DPYSL3: variants seen among roughly 807,000 people sequenced by gnomAD.
The protein encoded by DPYSL3 is dihydropyrimidinase like 3.
DPYSL3 carries 16 observed loss-of-function variants against 66.1 expected under a neutral mutation model. That is an observed-to-expected ratio of 0.24 (90% CI 0.16 to 0.37). DPYSL3 has a LOEUF of 0.37. Among genes scored for constraint, DPYSL3 ranks in the 10% least tolerant of loss-of-function variants. The pLI is 1.00. For missense variants in DPYSL3, 738 were observed against 916.2 expected (o/e 0.81, Z 2.51); for synonymous variants, 338 against 345.1 (o/e 0.98, Z 0.23).
chr5:147,395,859 G>T, intron 12 of DPYSL3, 138 bp from the exon 13 acceptor site: 1 of 1,068,938 alleles, frequency 9.4e-7, no homozygotes, highest in Non-Finnish European at 1.3e-6. Flanking sequence ...TTGAGGAAGG[G>T]AGAAGTAGTA....
chr5:147,415,624 A>G (rs943730139), intron 4 of DPYSL3, 85 bp downstream of exon 4: 2 of 1,515,800 alleles, frequency 1.3e-6, no homozygotes, highest in Non-Finnish European at 9.0e-7. Flanking sequence ...CAAGTAAAAG[A>G]CAGTGACTGA....
At chr5:147,479,439 G>T (rs553787359) in intron 1 of DPYSL3, among the ~76,000 whole-genome samples, 1 of 152,270 alleles carries the variant, frequency 6.6e-6, no homozygotes, top group South Asian at 2.1e-4. Flanking sequence ...CGCAAGTCTT[G>T]TCAACTCAGT....
chr5:147,497,073 A>G (rs1753528268), intron 1 of DPYSL3, among the ~76,000 whole-genome samples: 1 of 152,236 alleles, frequency 6.6e-6, no homozygotes, highest in South Asian at 2.1e-4. Context: ...TGCAGCCATA[A>G]AAAATGATGA....
In DPYSL3 at chr5:147,393,175, C is replaced by G. The variant is rs553528497; in HGVS notation, c.*860G>C. 1 of 152,326 alleles carries G rather than the reference C, an allele frequency of 6.6e-6. No homozygotes were observed. Among genetic ancestry groups the G allele is most frequent in the African/African-American group, 2.4e-5 (1 of 41,560 alleles). The allele number at this position is 152,326 out of a possible 1,614,324, so 9.4% of individuals were successfully genotyped here. A position where few individuals can be genotyped will look rare whatever the true frequency, so the allele number is the denominator to read the frequency against. On this transcript the variant is annotated 3_prime_UTR_variant, in exon 14 of 14. Coordinates refer to ENST00000343218, the MANE Select transcript of DPYSL3 (RefSeq NM_001197294.2). The stretch of plus-strand genomic sequence containing the variant: ...CGTCTTTAAGCTGTGGGTGCCCTCA[C>G]CACGTGGGCCTGTGCTATGTTCTCA...
intron 1 of DPYSL3, among the ~76,000 whole-genome samples, chr5:147,501,881 T>G (rs904342243): frequency 7.2e-5 from 11 of 152,142 alleles, no homozygotes; most frequent in African/African-American, 2.7e-4. Flanking sequence ...CAGGGGTATA[T>G]GGGAAGTACT....
At chr5:147,462,364 A>G (rs1009448544) in intron 1 of DPYSL3, among the ~76,000 whole-genome samples, 2 of 152,134 alleles carry the variant, frequency 1.3e-5, no homozygotes, top group Admixed American at 6.5e-5. Context: ...CTTAAAGAAC[A>G]TCCCAGTAGT....
intron 1 of DPYSL3, among the ~76,000 whole-genome samples, chr5:147,455,461 G>T (rs1008231679): frequency 6.6e-6 from 1 of 152,190 alleles, no homozygotes; most frequent in African/African-American, 2.4e-5. Flanking sequence ...ACACAAGGGG[G>T]AATAAAAAGA....
intron 1 of DPYSL3, among the ~76,000 whole-genome samples, chr5:147,442,493 A>G (rs973028302): frequency 6.6e-6 from 1 of 152,234 alleles, no homozygotes; most frequent in African/African-American, 2.4e-5. Flanking sequence ...CTGGGATTTC[A>G]ATCTGTAGTC....
chr5:147,502,647 G>T (rs1414741192), intron 1 of DPYSL3, among the ~76,000 whole-genome samples: 1 of 146,010 alleles, frequency 6.8e-6, no homozygotes, highest in Non-Finnish European at 1.5e-5. Context: ...CGCAGTCTCG[G>T]CTCACTGCAA....
chr5:147,430,075 G>C (rs1752278781), intron 1 of DPYSL3, among the ~76,000 whole-genome samples: 1 of 152,068 alleles, frequency 6.6e-6, no homozygotes, highest in Admixed American at 6.6e-5. Flanking sequence ...CAGTGCGGGA[G>C]AAGGAGAATG....
At chr5:147,438,209 C>G (rs146216899) in intron 1 of DPYSL3, among the ~76,000 whole-genome samples, 108 of 152,306 alleles carry the variant, frequency 7.1e-4, no homozygotes, top group African/African-American at 2.3e-3. Flanking sequence ...ACTCTGCTTT[C>G]ATTGGATAGA....
chr5:147,401,576 G>T lies in DPYSL3; in HGVS notation c.1274C>A (p.Pro425Gln). Reference protein sequence around the residue: ...FVTSPPLSPDPTTPDYINSLL... With the variant: ...FVTSPPLSPDQTTPDYINSLL... ...GGAGTTGATGTAGTCCGGAGTAGTT[G>T]GGTCAGGGCTCAGGGGTGGGGATGT... Residue 425 changes from proline to glutamine, a missense_variant, in exon 9 of 14, where the codon CCA (proline) becomes CAA (glutamine). Pro to Gln is a moderately conservative substitution (Grantham distance 76). Coordinates refer to ENST00000343218, the MANE Select transcript of DPYSL3 (RefSeq NM_001197294.2). 1 of 1,613,630 alleles carries T rather than the reference G, an allele frequency of 6.2e-7. No individual in the cohort carries two copies. The highest frequency in any genetic ancestry group is 1.3e-5 in the African/African-American group (1 of 75,010).
chr5:147,482,297 G>A (rs1296765612), intron 1 of DPYSL3, among the ~76,000 whole-genome samples: 1 of 152,150 alleles, frequency 6.6e-6, no homozygotes, highest in Non-Finnish European at 1.5e-5. Flanking sequence ...ATAGATTTGA[G>A]GAAATCAGCT....
intron 1 of DPYSL3, among the ~76,000 whole-genome samples, chr5:147,496,950 C>T (rs951597512): frequency 4.6e-5 from 7 of 152,062 alleles, no homozygotes; most frequent in African/African-American, 9.7e-5. Flanking sequence ...CACATGCACA[C>T]GTATGTTTAT....
chr5:147,440,336 T>C (rs1202876567), intron 1 of DPYSL3, among the ~76,000 whole-genome samples: 6 of 152,168 alleles, frequency 3.9e-5, no homozygotes, highest in Admixed American at 3.9e-4. Context: ...CATCTGGGTT[T>C]ACCAGCAGCT....
intron 1 of DPYSL3, among the ~76,000 whole-genome samples, chr5:147,428,975 A>G (rs1242140051): frequency 6.6e-6 from 1 of 152,074 alleles, no homozygotes; most frequent in Non-Finnish European, 1.5e-5. Flanking sequence ...AAATAAAATA[A>G]AAGTTCCCTC....
Position 147,412,818 on chromosome 5 carries a change from T to C in DPYSL3, c.883-130A>G, listed in dbSNP as rs573615134. ...GAAATAAGTCACTAGGGCAGAAATA[T>C]ATATTACATAGGCATGACCAAAGAG... On this transcript the variant is annotated intron_variant, in intron 5 of 13. Transcript: ENST00000343218. The C allele has an allele frequency of 1.9e-5, 15 of 769,424 alleles. No individual in the cohort carries two copies. In the East Asian group the frequency reaches 4.0e-4, roughly 21 times the overall value. The allele number at this position is 769,424 out of a possible 1,614,324, so 47.7% of individuals were successfully genotyped here. A position where few individuals can be genotyped will look rare whatever the true frequency, so the allele number is the denominator to read the frequency against.
At chr5:147,432,528 C>T (rs565076548) in intron 1 of DPYSL3, among the ~76,000 whole-genome samples, 8 of 152,228 alleles carry the variant, frequency 5.3e-5, no homozygotes, top group South Asian at 2.1e-4. Context: ...TCCTAGCTCC[C>T]GATAATGGTC....
intron 2 of DPYSL3, among the ~76,000 whole-genome samples, chr5:147,420,400 T>G (rs1237987988): frequency 6.6e-6 from 1 of 152,232 alleles, no homozygotes; most frequent in Non-Finnish European, 1.5e-5. Context: ...ACCTGTTCTA[T>G]GAATATAATA....
Sources: allele counts gnomAD v4.1 joint callset (sites outside exome capture counted in the v4.1 genomes callset), GRCh38; gene constraint gnomAD v4.1.1; transcripts MANE v1.5; gene names NCBI Gene and HGNC (gene_info 2026-07-23, HGNC 2026-07-21).